The following GPHN variants were observed in gnomAD, a reference collection of about 807,000 sequenced individuals.
GPHN encodes the protein gephyrin.
GPHN carries 17 observed loss-of-function variants against 95.5 expected under a neutral mutation model. That is an observed-to-expected ratio of 0.18 (90% CI 0.12 to 0.27). The LOEUF is 0.27. Ranked by LOEUF, GPHN falls within the 10% of genes least tolerant of loss-of-function variation. GPHN has a pLI of 1.00. For missense variants in GPHN, 660 were observed against 978.1 expected, an observed-to-expected ratio of 0.67 and a Z score of 4.34; for synonymous variants, 320 against 322.5, an observed-to-expected ratio of 0.99 and a Z score of 0.08.
At chr14:66,940,213 G>A (rs2153572235) in intron 8 of GPHN, among the ~76,000 whole-genome samples, 1 of 139,286 alleles carries the variant, frequency 7.2e-6, no homozygotes, top group South Asian at 2.3e-4. Context: ...GTGAAGAGAG[G>A]ACAGGGAAGG....
chr14:67,660,938 C>T, the GPHN span, among the ~76,000 whole-genome samples: 1 of 152,230 alleles, frequency 6.6e-6, no homozygotes, highest in Admixed American at 6.5e-5. Flanking sequence ...AGAAAAGCTC[C>T]CAGTACTCCC....
At chr14:66,627,990 A>C (rs1256387900) in intron 1 of GPHN, among the ~76,000 whole-genome samples, 1 of 152,064 alleles carries the variant, frequency 6.6e-6, no homozygotes, top group Non-Finnish European at 1.5e-5. Context: ...TAGAAAATGG[A>C]ATGTTTTTAT....
chr14:66,794,066 A>G (rs1008080899), intron 3 of GPHN, among the ~76,000 whole-genome samples: 4 of 152,164 alleles, frequency 2.6e-5, no homozygotes, highest in African/African-American at 9.7e-5. Flanking sequence ...AGAGATACAT[A>G]TGGATTGAAA....
the GPHN span, among the ~76,000 whole-genome samples, chr14:67,621,177 T>C: frequency 2.0e-5 from 3 of 152,028 alleles, no homozygotes; most frequent in African/African-American, 7.2e-5. Flanking sequence ...GGCAAGGAGG[T>C]AGAGTGAGGC....
At chr14:66,650,983 A>G (rs1027726968) in intron 1 of GPHN, among the ~76,000 whole-genome samples, 1 of 152,122 alleles carries the variant, frequency 6.6e-6, no homozygotes, top group Non-Finnish European at 1.5e-5. Context: ...AAAATTATCA[A>G]CCACATTAAA....
At chr14:67,056,783 C>T (rs963062689) in intron 10 of GPHN, among the ~76,000 whole-genome samples, 16 of 149,036 alleles carry the variant, frequency 1.1e-4, no homozygotes, top group Non-Finnish European at 2.1e-4. Flanking sequence ...GGGGTGGCAC[C>T]TGTCGTGGCA....
chr14:67,392,913 A>C, the GPHN span: 1 of 1,380,230 alleles, frequency 7.2e-7, no homozygotes. Flanking sequence ...GTGTGTGGCC[A>C]ATGACCTCAC....
the GPHN span, among the ~76,000 whole-genome samples, chr14:67,621,775 C>G: frequency 6.6e-6 from 1 of 151,502 alleles, no homozygotes; most frequent in Non-Finnish European, 1.5e-5. Context: ...AAGGGAGAAC[C>G]CTTCTCTTAG....
the GPHN span, among the ~76,000 whole-genome samples, chr14:67,441,244 G>A: frequency 4.6e-5 from 7 of 152,174 alleles, no homozygotes; most frequent in Non-Finnish European, 8.8e-5. Context: ...TGATCCTCCA[G>A]GTCCTGTGAG....
intron 3 of GPHN, among the ~76,000 whole-genome samples, chr14:66,784,380 A>G (rs1172728891): frequency 6.6e-6 from 1 of 152,208 alleles, no homozygotes; most frequent in Non-Finnish European, 1.5e-5. Context: ...AGAATGTGTC[A>G]CTAGAAAACC....
the GPHN span, among the ~76,000 whole-genome samples, chr14:67,548,053 A>G: frequency 6.6e-6 from 1 of 152,090 alleles, no homozygotes; most frequent in African/African-American, 2.4e-5. Flanking sequence ...GTGGCTGATG[A>G]CTTGAGATTC....
chr14:67,562,401 C>G, the GPHN span: 2 of 1,613,700 alleles, frequency 1.2e-6, no homozygotes, highest in African/African-American at 1.3e-5. Flanking sequence ...CCCCTTCAAC[C>G]TCATCTGGGA....
chr14:66,982,201 G>A (rs916666451), intron 9 of GPHN, among the ~76,000 whole-genome samples: 8 of 152,198 alleles, frequency 5.3e-5, no homozygotes, highest in Admixed American at 4.6e-4. Context: ...TGAGGGTGGG[G>A]CTAGATAGTT....
At chr14:67,204,716 A>G in the GPHN span, 1 of 1,613,962 alleles carries the variant, frequency 6.2e-7, no homozygotes, top group Non-Finnish European at 8.5e-7. Flanking sequence ...GAGAAAGCCA[A>G]AGTTTCCAAA....
intron 9 of GPHN, among the ~76,000 whole-genome samples, chr14:66,990,367 G>A (rs1224561796): frequency 1.3e-5 from 2 of 152,106 alleles, no homozygotes; most frequent in African/African-American, 4.8e-5. Flanking sequence ...AAATGCTGGT[G>A]AAGATTTCAA....
At chr14:66,720,386 T>A (rs2070624167) in intron 2 of GPHN, among the ~76,000 whole-genome samples, 1 of 152,170 alleles carries the variant, frequency 6.6e-6, no homozygotes, top group African/African-American at 2.4e-5. Flanking sequence ...AAACCCCGTC[T>A]CTACTGAAAA....
chr14:66,523,793 T>C (rs1244486176), intron 1 of GPHN, among the ~76,000 whole-genome samples: 1 of 152,118 alleles, frequency 6.6e-6, no homozygotes, highest in Non-Finnish European at 1.5e-5. Context: ...ATTACCTTAA[T>C]AAACAGGGCA....
intron 2 of GPHN, among the ~76,000 whole-genome samples, chr14:66,725,560 T>A (rs2071153476): frequency 6.6e-6 from 1 of 152,184 alleles, no homozygotes; most frequent in Admixed American, 6.5e-5. Context: ...CTCGGCTCAC[T>A]GAAACCTCCG....
intron 1 of GPHN, among the ~76,000 whole-genome samples, chr14:66,524,364 G>A (rs2058602416): frequency 6.6e-6 from 1 of 151,756 alleles, no homozygotes; most frequent in Non-Finnish European, 1.5e-5. Flanking sequence ...GGGGCATAAG[G>A]GAAATAAATA....
Sources: gnomAD v4.1 joint callset for allele counts (sites outside exome capture counted in the v4.1 genomes callset) on GRCh38, gnomAD v4.1.1 for gene constraint, MANE v1.5 for transcripts, NCBI Gene and HGNC (gene_info 2026-07-23, HGNC 2026-07-21) for gene names.